The following CCNY variants were observed in gnomAD, a reference collection of about 807,000 sequenced individuals.
The protein encoded by CCNY is cyclin-Y.
In CCNY, 19 loss-of-function variants were observed where a neutral mutation model predicts 42.8. The observed-to-expected ratio is 0.44, with a 90% CI of 0.31 to 0.65. The LOEUF (loss-of-function observed/expected upper bound fraction) is 0.65. Among genes scored for constraint, CCNY ranks in the 30% least tolerant of loss-of-function variants. The probability of loss-of-function intolerance (pLI) is 0.07; values close to 1 mark genes in which losing one functional copy is unlikely to be tolerated. For missense variants in CCNY, 370 were observed against 437.3 expected, an observed-to-expected ratio of 0.85 and a Z score of 1.37; for synonymous variants, 165 against 162.7, an observed-to-expected ratio of 1.01 and a Z score of -0.11.
chr10:35,426,682 A>T (rs781755375), intron 1 of CCNY, among the ~76,000 whole-genome samples: 3 of 152,254 alleles, frequency 2.0e-5, no homozygotes, highest in Non-Finnish European at 4.4e-5. Context: ...TGAACCAGTG[A>T]TGACTTTAAA....
intron 2 of CCNY, among the ~76,000 whole-genome samples, chr10:35,492,949 G>T (rs1839929758): frequency 6.6e-6 from 1 of 152,060 alleles, no homozygotes; most frequent in South Asian, 2.1e-4. Flanking sequence ...CCACCCTCAG[G>T]CCAGCTCTCC....
intron 1 of CCNY, among the ~76,000 whole-genome samples, chr10:35,441,823 T>G (rs1022830108): frequency 7.9e-5 from 12 of 152,324 alleles, no homozygotes; most frequent in African/African-American, 2.2e-4. Context: ...TATTTTAAGG[T>G]GTAGATGTCT....
chr10:35,440,074 C>T lies in CCNY; in HGVS notation c.155-43330C>T, dbSNP rs117115931. ...TTCACAATGGCAAAAGTTTAGGCCT[C>T]ACACTCAGCCTTTGTTGGTGTGGAT... is the stretch of plus-strand genomic sequence containing the variant. On this transcript the variant is annotated intron_variant, in intron 1 of 9. Coordinates refer to ENST00000374704, the MANE Select transcript of CCNY (RefSeq NM_145012.6). Among the ~76,000 whole-genome samples, 207 of 152,310 alleles carry T rather than the reference C, an allele frequency of 1.4e-3. 4 individuals are homozygous for T. In the East Asian group the frequency reaches 0.036, roughly 27 times the overall value.
intron 5 of CCNY, among the ~76,000 whole-genome samples, chr10:35,528,888 T>C (rs1760621807): frequency 6.6e-6 from 1 of 152,242 alleles, no homozygotes; most frequent in South Asian, 2.1e-4. Context: ...TGTAGCCTTC[T>C]GAAGTTCTGA....
intron 1 of CCNY, chr10:35,347,525 C>T (rs1670686202): frequency 1.6e-6 from 1 of 644,524 alleles, no homozygotes; most frequent in Non-Finnish European, 1.9e-6. Context: ...ATTTTATAAG[C>T]AAGTTCTTTA....
At chr10:35,345,024 C>T (rs554011121) in intron 1 of CCNY, among the ~76,000 whole-genome samples, 18 of 152,190 alleles carry the variant, frequency 1.2e-4, no homozygotes, top group Middle Eastern at 6.8e-3. Flanking sequence ...TGAATAGTGC[C>T]GCAATAAACA....
At chr10:35,512,373 CT>C (rs1018238499) in intron 3 of CCNY, among the ~76,000 whole-genome samples, 37 of 152,028 alleles carry the variant, frequency 2.4e-4, no homozygotes, top group Admixed American at 6.6e-5. Flanking sequence ...TGAGAGTCCC[CT>C]GGGAAAGTGT....
intron 3 of CCNY, among the ~76,000 whole-genome samples, chr10:35,260,989 T>C (rs986838797): frequency 6.6e-6 from 1 of 152,124 alleles, no homozygotes; most frequent in Non-Finnish European, 1.5e-5. Flanking sequence ...TGCACACCTG[T>C]GGTCCTGGCT....
chr10:35,353,701 C>T (rs970920346), intron 1 of CCNY, among the ~76,000 whole-genome samples: 1 of 152,178 alleles, frequency 6.6e-6, no homozygotes, highest in Non-Finnish European at 1.5e-5. Context: ...TCTTTTAAAC[C>T]AGTTCTTATA....
In CCNY at chr10:35,358,115, G is replaced by GC. The variant is rs1369926049; in HGVS notation, c.154+20914dup. 3.3e-5 allele frequency among the ~76,000 whole-genome samples: 5 copies of GC among 150,626 alleles called. No individual in the cohort carries two copies. The East Asian group carries it at 7.7e-4, about 23-fold the overall frequency. ...GAAAATGCACTTTTTTGCTTTTTTT[G>GC]CCCCCCGCAAGAAGTATGGATGTCA... On this transcript the variant is annotated intron_variant, in intron 1 of 9. Coordinates refer to ENST00000374704, the MANE Select transcript of CCNY (RefSeq NM_145012.6).
At chr10:35,332,695 C>G (rs1375691047), upstream of CCNY, among the ~76,000 whole-genome samples, 2 of 152,208 alleles carry the variant, frequency 1.3e-5, no homozygotes, top group Non-Finnish European at 2.9e-5. Flanking sequence ...ACCTCCACCT[C>G]CCGGGTTCAC....
At chr10:35,277,582 T>C (rs113360257) in intron 3 of CCNY, among the ~76,000 whole-genome samples, 45 of 152,350 alleles carry the variant, frequency 3.0e-4, no homozygotes, top group Non-Finnish European at 4.3e-4. Context: ...TAACCAACTG[T>C]CCTGAGCCTG....
At chr10:35,479,620 G>A (rs1209536931) in intron 1 of CCNY, among the ~76,000 whole-genome samples, 1 of 133,278 alleles carries the variant, frequency 7.5e-6, no homozygotes, top group Non-Finnish European at 1.6e-5. Context: ...GTGGGGGGAG[G>A]GGGGGGAGGG....
intron 1 of CCNY, among the ~76,000 whole-genome samples, chr10:35,422,545 G>T (rs1838182563): frequency 6.6e-6 from 1 of 152,170 alleles, no homozygotes; most frequent in African/African-American, 2.4e-5. Context: ...TCAGAAAATG[G>T]CAGTTATTGT....
intron 1 of CCNY, among the ~76,000 whole-genome samples, chr10:35,444,249 CTTT>C (rs1323493317): frequency 1.5e-5 from 2 of 136,548 alleles, no homozygotes; most frequent in Non-Finnish European, 1.6e-5. Flanking sequence ...TGTTTTTTGG[CTTT>C]TTTTTTTTTT....
At chr10:35,507,874 G>C (rs1367977013) in intron 3 of CCNY, among the ~76,000 whole-genome samples, 9 of 151,484 alleles carry the variant, frequency 5.9e-5, no homozygotes, top group Non-Finnish European at 1.3e-4. Context: ...TTTACAGCCA[G>C]AATACTACAT....
chr10:35,341,049 A>G (rs112228685), intron 1 of CCNY, among the ~76,000 whole-genome samples: 1,587 of 152,264 alleles, frequency 0.01, 23 homozygotes, highest in African/African-American at 0.036. Flanking sequence ...AGCCATGGCT[A>G]AGATCCTTTA....
intron 8 of CCNY, among the ~76,000 whole-genome samples, chr10:35,563,525 G>T (rs1841507167): frequency 6.6e-6 from 1 of 152,180 alleles, no homozygotes. Context: ...GTTCACTTGG[G>T]ATTTGCTCCT....
chr10:35,523,854 C>T (rs1229753168), intron 4 of CCNY, among the ~76,000 whole-genome samples: 2 of 152,074 alleles, frequency 1.3e-5, no homozygotes, highest in Non-Finnish European at 2.9e-5. Context: ...TGAATTAGCA[C>T]TAATAAGGAG....
Sources: allele counts gnomAD v4.1 joint callset (sites outside exome capture counted in the v4.1 genomes callset), GRCh38; gene constraint gnomAD v4.1.1; transcripts MANE v1.5; gene names NCBI Gene and HGNC (gene_info 2026-07-23, HGNC 2026-07-21).